Variants in BAZ1B observed in about 807,000 individuals in gnomAD.
BAZ1B encodes the protein tyrosine-protein kinase BAZ1B.
A neutral mutation model predicts 153.8 loss-of-function variants in BAZ1B; 22 were observed. The ratio of observed to expected loss-of-function variants is 0.14; its 90% CI spans 0.10 to 0.20. The LOEUF (loss-of-function observed/expected upper bound fraction) is 0.20. Among genes scored for constraint, BAZ1B ranks in the 10% least tolerant of loss-of-function variants. BAZ1B has a pLI of 1.00. For missense variants in BAZ1B, 1,325 were observed against 1,799.3 expected, an observed-to-expected ratio of 0.74 and a Z score of 4.77; for synonymous variants, 676 against 633.4, an observed-to-expected ratio of 1.07 and a Z score of -1.01.
At chr7:73,460,189 A>AG (rs1272842077) in intron 12 of BAZ1B, among the ~76,000 whole-genome samples, 35 of 133,704 alleles carry the variant, frequency 2.6e-4, no homozygotes, top group South Asian at 5.1e-4. Context: ...ACTCCGTCTC[A>AG]GGGAAAAAAA....
intron 13 of BAZ1B, among the ~76,000 whole-genome samples, chr7:73,451,961 C>CA (rs111513907): frequency 4.1e-4 from 62 of 152,298 alleles, no homozygotes; most frequent in African/African-American, 1.4e-3. Flanking sequence ...GAATGACTAC[C>CA]AATGGGCTTT....
chr7:73,505,969 AT>A (rs1417350605), intron 3 of BAZ1B, among the ~76,000 whole-genome samples: 17 of 152,236 alleles, frequency 1.1e-4, no homozygotes, highest in African/African-American at 3.9e-4. Flanking sequence ...CAACCTCAAC[AT>A]GTCATTTAAA....
intron 17 of BAZ1B, among the ~76,000 whole-genome samples, chr7:73,443,782 A>G (rs561699265): frequency 3.3e-4 from 51 of 152,308 alleles, no homozygotes; most frequent in African/African-American, 1.2e-3. Context: ...CAGCAGGGGA[A>G]TGCCGGACAT....
chr7:73,449,533 G>A lies in BAZ1B; in HGVS notation c.3728+9C>T, dbSNP rs1787956025. The A allele has an allele frequency of 1.5e-5, 24 of 1,600,340 alleles. No individual in the cohort carries two copies. The East Asian group carries it at 5.4e-4, about 36-fold the overall frequency. On this transcript the variant is annotated intron_variant, in intron 15 of 19. Transcript: ENST00000339594. ...TCATTCAATTATTTTTAAAAGAAAA[G>A]ATTCTCACCTGCCACGGGAGTTGCG...
In BAZ1B at chr7:73,463,250, T is replaced by TC; in HGVS notation, c.3072-152_3072-151insG. On this transcript the variant is annotated intron_variant, in intron 11 of 19. Transcript: ENST00000339594. ...GTTTTTTCTTTTTTCTTTTTTTTTT[T>TC]TTTTTTTCCCCCGAGACAGGGTCTT... 3 of 773,292 alleles carry TC rather than the reference T, an allele frequency of 3.9e-6. No individual in the cohort carries two copies. The South Asian group carries it at 5.8e-5, about 15-fold the overall frequency. The allele number at this position is 773,292 out of a possible 1,614,324, so 47.9% of individuals were successfully genotyped here.
At chr7:73,461,430 C>T (rs372454652) in intron 12 of BAZ1B, among the ~76,000 whole-genome samples, 26 of 152,150 alleles carry the variant, frequency 1.7e-4, no homozygotes, top group African/African-American at 6.3e-4. Context: ...AAAATGACAA[C>T]CTAACGTCAG....
At chr7:73,467,242 A>G (rs1353140767) in intron 9 of BAZ1B, among the ~76,000 whole-genome samples, 2 of 151,946 alleles carry the variant, frequency 1.3e-5, no homozygotes, top group African/African-American at 2.4e-5. Context: ...AGTCACCACA[A>G]TATTTGAAGC....
intron 1 of BAZ1B, 127 bp from the exon 2 acceptor site, chr7:73,510,979 A>G (rs1790553328): frequency 7.7e-6 from 6 of 782,090 alleles, no homozygotes; most frequent in Non-Finnish European, 1.2e-5. Flanking sequence ...GAGGATAAAA[A>G]TGGAATTGGA....
At chr7:73,472,905 G>GT (rs1788864333) in intron 7 of BAZ1B, among the ~76,000 whole-genome samples, 1 of 149,456 alleles carries the variant, frequency 6.7e-6, no homozygotes, top group Non-Finnish European at 1.5e-5. Context: ...TATAGGCCGA[G>GT]TAGCTGGAAT....
At chr7:73,467,705 T>C (rs1453275870) in intron 9 of BAZ1B, among the ~76,000 whole-genome samples, 8 of 152,160 alleles carry the variant, frequency 5.3e-5, no homozygotes, top group African/African-American at 1.7e-4. Flanking sequence ...ACTGCCATTC[T>C]AGAACTGGAA....
chr7:73,470,469 G>C lies in BAZ1B; in HGVS notation c.2608C>G (p.Gln870Glu), dbSNP rs1563376269. The change falls in exon 8 of 20, where the codon CAA (glutamine) becomes GAA (glutamate). Residue 870 changes from glutamine to glutamate, a missense_variant. By Grantham distance (29) the Gln-to-Glu change is conservative. Around this residue, in one of 9 missense-constraint regions of BAZ1B, gnomAD observed 431 missense variants for 563.5 expected, o/e 0.76. Coordinates refer to ENST00000339594, the MANE Select transcript of BAZ1B (RefSeq NM_032408.4). ...TTCCGTATTCGTTCTTCTTCAGCTT[G>C]GCGTTCCAGTTTCACTGTTAAAAAT... ...EREMKVKLER[Q>E]AEEERIRKHK... 1 of 1,612,726 alleles carries C rather than the reference G, an allele frequency of 6.2e-7. No homozygotes were observed. The highest frequency in any genetic ancestry group is 1.3e-5 in the African/African-American group (1 of 74,902).
rs1554573198 is a variant in BAZ1B at position 73,478,352 on chromosome 7, A to G, written c.1109T>C (p.Met370Thr). The G allele has an allele frequency of 1.2e-6, 2 of 1,612,502 alleles. No homozygotes were observed. Among genetic ancestry groups the G allele is most frequent in the Non-Finnish European group, 8.5e-7 (1 of 1,179,678 alleles). The change falls in exon 7 of 20, where the codon ATG becomes ACG. Residue 370 changes from methionine (M) to threonine (T), a missense_variant. By Grantham distance (81) the Met-to-Thr change is moderately conservative. This residue lies in a region of BAZ1B where 219 missense variants were observed against 248.2 expected (regional missense o/e 0.88). Transcript: ENST00000339594. Reference protein sequence around the residue: ...KSPEEHLEEMMKMMSPNKLHT... With the variant: ...KSPEEHLEEMTKMMSPNKLHT... Reference sequence around the variant, plus strand: ...CAGCTTATTGGGCGACATCATCTTCATCATTTCTTCTAGATGTTCTTCAGG... The same window carrying G: ...CAGCTTATTGGGCGACATCATCTTCGTCATTTCTTCTAGATGTTCTTCAGG...
intron 11 of BAZ1B, 45 bp downstream of exon 11, chr7:73,465,394 G>T: frequency 7.8e-7 from 1 of 1,284,158 alleles, no homozygotes; most frequent in Non-Finnish European, 1.1e-6. Flanking sequence ...TATATCCAAT[G>T]CTAAAGAGAA....
rs368939347 is a variant in BAZ1B at position 73,516,579 on chromosome 7, T to A, written c.107+5248A>T. Among the ~76,000 whole-genome samples the A allele has an allele frequency of 9.9e-5, 15 of 151,030 alleles. No homozygotes were observed. In the South Asian group the frequency reaches 1.9e-3, roughly 19 times the overall value. ...GGGGTGGATCACTGAGGTCAGGAATTCGAGACCAGCCTAGCCAACATGGTG... is the reference window on the plus strand; with the variant it reads ...GGGGTGGATCACTGAGGTCAGGAATACGAGACCAGCCTAGCCAACATGGTG... On this transcript the variant is annotated intron_variant, in intron 1 of 19. Coordinates refer to ENST00000339594, the MANE Select transcript of BAZ1B (RefSeq NM_032408.4).
chr7:73,502,080 A>G (rs1790155988), intron 3 of BAZ1B, among the ~76,000 whole-genome samples: 1 of 151,826 alleles, frequency 6.6e-6, no homozygotes, highest in Admixed American at 6.6e-5. Context: ...TAGTAGAGAC[A>G]GGGTTTCACT....
At position 73,478,452 on chromosome 7, in the gene BAZ1B, A is replaced by T; in HGVS notation, c.1009T>A (p.Trp337Arg). Residue 337 changes from tryptophan to arginine, a missense_variant, in exon 7 of 20, where the codon TGG becomes AGG. By Grantham distance (101) the Trp-to-Arg change is moderately radical. Transcript: ENST00000339594. ...SLSSPLNPKL[W>R]CHVHLKKSLS... ...GACTTCTTCAAGTGTACGTGACACC[A>T]TAACTTAGGATTTAGTGGTGAACTA... 1 of 1,612,532 alleles carries T rather than the reference A, an allele frequency of 6.2e-7. No homozygotes were observed. Among genetic ancestry groups the T allele is most frequent in the Non-Finnish European group, 8.5e-7 (1 of 1,179,362 alleles).
intron 4 of BAZ1B, among the ~76,000 whole-genome samples, chr7:73,497,063 T>C (rs1335781531): frequency 5.5e-5 from 3 of 54,842 alleles, no homozygotes; most frequent in African/African-American, 2.7e-4. Context: ...AACTGACCTC[T>C]ACAAAAAAAA....
Position 73,478,301 on chromosome 7 carries a change from T to C in BAZ1B, c.1160A>G (p.Lys387Arg). Residue 387 changes from lysine (K) to arginine (R), a missense_variant, in exon 7 of 20, where the codon AAA becomes AGA. Physicochemically the swap from Lys to Arg is conservative, Grantham distance 26 (BLOSUM62 2). This residue lies in a region of BAZ1B where 219 missense variants were observed against 248.2 expected (regional missense o/e 0.88). Transcript: ENST00000339594. Reference sequence around the variant, plus strand: ...CCCTGGTTTCTTGGCAGGTGGGCCTTTTTTAGGAATGTGAAAGTTAGTGTG... The same window carrying C: ...CCCTGGTTTCTTGGCAGGTGGGCCTCTTTTAGGAATGTGAAAGTTAGTGTG... ...KLHTNFHIPK[K>R]GPPAKKPGKH... is the part of the protein sequence containing the mutation. The C allele has an allele frequency of 1.9e-6, 3 of 1,614,182 alleles. No individual in the cohort carries two copies. The highest frequency in any genetic ancestry group is 2.5e-6 in the Non-Finnish European group (3 of 1,180,022).
At position 73,476,859 on chromosome 7, in the gene BAZ1B, A is replaced by G. The variant is rs1450821515; in HGVS notation, c.2593+9T>C. ...GAGCTTCCCCTTTTCTCTCAGCATG[A>G]AATTTTACCTTTCATTTCTCTTTCC... On this transcript the variant is annotated intron_variant, in intron 7 of 19. Coordinates refer to ENST00000339594, the MANE Select transcript of BAZ1B (RefSeq NM_032408.4). 2 of 1,581,014 alleles carry G rather than the reference A, an allele frequency of 1.3e-6. No individual in the cohort carries two copies. Among genetic ancestry groups the G allele is most frequent in the Non-Finnish European group, 8.6e-7 (1 of 1,168,928 alleles).
Sources: allele counts gnomAD v4.1 joint callset (sites outside exome capture counted in the v4.1 genomes callset), GRCh38; gene constraint gnomAD v4.1.1; regional missense constraint gnomAD v4.1.1; transcripts MANE v1.5; gene names NCBI Gene and HGNC (gene_info 2026-07-23, HGNC 2026-07-21).